ANK2: variants seen among roughly 807,000 people sequenced by gnomAD.
ANK2 encodes the protein ankyrin-2.
A neutral mutation model predicts 360.5 loss-of-function variants in ANK2; 83 were observed. The ratio of observed to expected loss-of-function variants is 0.23; its 90% CI spans 0.19 to 0.28. ANK2 has a LOEUF of 0.28. ANK2 is among the 10% of genes least tolerant of loss of function. The probability of loss-of-function intolerance (pLI) is 1.00; values close to 1 mark genes in which losing one functional copy is unlikely to be tolerated. For synonymous variants in ANK2, 1,740 were observed against 1,759.5 expected (o/e 0.99, Z 0.28); for missense variants, 4,201 against 4,795.7 (o/e 0.88, Z 3.66).
chr4:112,763,873 A>G, the ANK2 span, among the ~76,000 whole-genome samples: 7 of 151,966 alleles, frequency 4.6e-5, no homozygotes, highest in Non-Finnish European at 7.4e-5. Flanking sequence ...TGGTTGTCCT[A>G]TATCTCTCCT....
Position 113,232,224 on chromosome 4 carries a change from C to A in ANK2, c.448C>A (p.Leu150Met), listed in dbSNP as rs1313927549. Reference sequence around the variant, plus strand: ...TCACATTGATGTTGTAAAATATTTGCTGGAAAATGGAGCTAATCAGAGCAC... The same window carrying A: ...TCACATTGATGTTGTAAAATATTTGATGGAAAATGGAGCTAATCAGAGCAC... The part of the protein sequence containing the change: ...ENHIDVVKYL[L>M]ENGANQSTAT... The change falls in exon 5 of 46, where the codon CTG becomes ATG. Residue 150 changes from leucine to methionine, a missense_variant. This residue lies in a region of ANK2 where 169 missense variants were observed against 191.1 expected (regional missense o/e 0.88). Coordinates refer to ENST00000357077, the MANE Select transcript of ANK2 (RefSeq NM_001148.6). 6.2e-7 allele frequency: 1 copy of A among 1,607,292 alleles called. No homozygotes were observed. The highest frequency in any genetic ancestry group is 1.7e-5 in the Admixed American group (1 of 60,008).
At chr4:113,069,375 C>T (rs1370098994) in intron 1 of ANK2, among the ~76,000 whole-genome samples, 1 of 152,166 alleles carries the variant, frequency 6.6e-6, no homozygotes, top group Admixed American at 6.5e-5. Flanking sequence ...TCTTCCAGGT[C>T]TCCAGCACAG....
upstream of ANK2, among the ~76,000 whole-genome samples, chr4:112,814,767 G>C (rs2149481578): frequency 6.6e-6 from 1 of 152,274 alleles, no homozygotes; most frequent in East Asian, 1.9e-4. Context: ...GCCTGTGCTA[G>C]AGTTTAGGAG....
At chr4:113,132,464 T>C (rs1477478501) in intron 1 of ANK2, among the ~76,000 whole-genome samples, 1 of 152,130 alleles carries the variant, frequency 6.6e-6, no homozygotes, top group Non-Finnish European at 1.5e-5. Flanking sequence ...GTATGTGAAA[T>C]TGATAGGAAA....
intron 1 of ANK2, among the ~76,000 whole-genome samples, chr4:112,852,912 A>G (rs1168529793): frequency 6.6e-6 from 1 of 152,238 alleles, no homozygotes; most frequent in Non-Finnish European, 1.5e-5. Flanking sequence ...ATTTGGGTGC[A>G]TGTAATATTT....
At chr4:113,337,192 A>G (rs1487167062) in intron 31 of ANK2, among the ~76,000 whole-genome samples, 5 of 152,088 alleles carry the variant, frequency 3.3e-5, no homozygotes, top group African/African-American at 9.7e-5. Context: ...ATCTGCTGGG[A>G]AAAAAAATAC....
At chr4:112,850,156 G>T (rs1335123792) in intron 1 of ANK2, among the ~76,000 whole-genome samples, 2 of 152,072 alleles carry the variant, frequency 1.3e-5, no homozygotes, top group African/African-American at 2.4e-5. Context: ...TCAGGCCTTT[G>T]AACTTGGACT....
chr4:113,233,533 CTT>C (rs1236532665), intron 5 of ANK2, among the ~76,000 whole-genome samples: 3 of 152,112 alleles, frequency 2.0e-5, no homozygotes, highest in Admixed American at 6.5e-5. Context: ...CAGAAACTAT[CTT>C]AAGATAATTT....
intron 2 of ANK2, among the ~76,000 whole-genome samples, chr4:112,962,766 T>C (rs1025852510): frequency 3.9e-5 from 6 of 152,126 alleles, no homozygotes; most frequent in African/African-American, 1.4e-4. Context: ...TTAGTATCTG[T>C]GTTTTTAAAA....
intron 1 of ANK2, among the ~76,000 whole-genome samples, chr4:112,866,224 A>C (rs1197872757): frequency 6.6e-6 from 1 of 152,224 alleles, no homozygotes; most frequent in African/African-American, 2.4e-5. Context: ...TATCTCCTGC[A>C]AATCCTAGAC....
chr4:113,213,967 TA>T lies in ANK2; in HGVS notation c.384+14859del, dbSNP rs1336859611. The T allele has an allele frequency of 3.5e-4, 150 of 432,554 alleles. 2 individuals are homozygous for T. In the African/African-American group the frequency reaches 7.4e-3, roughly 21 times the overall value. The allele number at this position is 432,554 out of a possible 1,614,324, so 26.8% of individuals were successfully genotyped here. ...TGCTGTTTTATTTATTTTTTTTTTTTATTTTTTTTTTAAGTACAATTTCCAT... is the reference window on the plus strand; with the variant it reads ...TGCTGTTTTATTTATTTTTTTTTTTTTTTTTTTTTTAAGTACAATTTCCAT... On this transcript the variant is annotated intron_variant, in intron 4 of 45. Transcript: ENST00000357077.
chr4:113,364,439 C>T (rs941404047), intron 40 of ANK2, among the ~76,000 whole-genome samples: 3 of 152,158 alleles, frequency 2.0e-5, no homozygotes. Context: ...GCACGATATG[C>T]GTATGAACCG....
chr4:113,288,627 T>C, intron 20 of ANK2, 141 bp downstream of exon 20: 1 of 726,550 alleles, frequency 1.4e-6, no homozygotes, highest in East Asian at 2.7e-5. Context: ...TGATGTAGTT[T>C]TGTAATTATT....
chr4:113,039,793 C>T (rs553983513), intron 2 of ANK2, among the ~76,000 whole-genome samples: 55 of 151,952 alleles, frequency 3.6e-4, no homozygotes, highest in Non-Finnish European at 6.5e-4. Context: ...TCTAAGTTAC[C>T]TTCTAACATT....
the ANK2 span, among the ~76,000 whole-genome samples, chr4:112,799,244 T>A: frequency 6.6e-6 from 1 of 152,210 alleles, no homozygotes; most frequent in African/African-American, 2.4e-5. Context: ...GTTGCTTCAA[T>A]GGGCAAATGG....
chr4:113,023,497 G>A (rs977015448), intron 2 of ANK2, among the ~76,000 whole-genome samples: 2 of 152,138 alleles, frequency 1.3e-5, no homozygotes, highest in African/African-American at 4.8e-5. Context: ...ATATAGATAT[G>A]CTTGTGGCTG....
At chr4:113,285,880 A>G (rs1474632922) in intron 18 of ANK2, among the ~76,000 whole-genome samples, 4 of 152,200 alleles carry the variant, frequency 2.6e-5, no homozygotes, top group Non-Finnish European at 4.4e-5. Context: ...AAAACGCACA[A>G]CGTTATAACA....
intron 1 of ANK2, among the ~76,000 whole-genome samples, chr4:113,150,350 T>C (rs2097017955): frequency 6.6e-6 from 1 of 152,174 alleles, no homozygotes; most frequent in Non-Finnish European, 1.5e-5. Flanking sequence ...TCTAGTGCTG[T>C]GGCCAGTGTC....
intron 2 of ANK2, among the ~76,000 whole-genome samples, chr4:112,927,671 A>G (rs948717162): frequency 2.0e-5 from 3 of 152,212 alleles, no homozygotes; most frequent in African/African-American, 7.2e-5. Flanking sequence ...TCTTGCAACC[A>G]TTGGTTACAT....
Sources: gnomAD v4.1 joint callset for allele counts (sites outside exome capture counted in the v4.1 genomes callset) on GRCh38, gnomAD v4.1.1 for gene constraint, gnomAD v4.1.1 regional missense constraint, MANE v1.5 for transcripts, NCBI Gene and HGNC (gene_info 2026-07-23, HGNC 2026-07-21) for gene names.